The following NUMB variants were observed in gnomAD, a reference collection of about 807,000 sequenced individuals.
The protein encoded by NUMB is protein numb homolog.
NUMB carries 29 observed loss-of-function variants against 59.7 expected under a neutral mutation model. The ratio of observed to expected loss-of-function variants is 0.49; its 90% CI spans 0.36 to 0.66. The LOEUF is 0.66. NUMB is among the 30% of genes least tolerant of loss of function. The probability of loss-of-function intolerance (pLI) is 0.00; values close to 1 mark genes in which losing one functional copy is unlikely to be tolerated. For missense variants in NUMB, 723 were observed against 822.0 expected (o/e 0.88, Z 1.47); for synonymous variants, 288 against 288.2 (o/e 1.00, Z 0.01).
rs1371231889 is a variant in NUMB at position 73,280,699 on chromosome 14, T to TA, written c.1097-1276_1097-1275insT. 2.8e-5 allele frequency among the ~76,000 whole-genome samples: 4 copies of TA among 144,946 alleles called. No individual in the cohort carries two copies. In the South Asian group the frequency reaches 9.1e-4, roughly 33 times the overall value. On this transcript the variant is annotated intron_variant, in intron 11 of 12. Transcript: ENST00000555238. Reference sequence around the variant, plus strand: ...GGTGTTGGTACTATTTTTTTTTTTTTTTTTTTTTTTTGAGATGGGGTCTCG... The same window carrying TA: ...GGTGTTGGTACTATTTTTTTTTTTTTATTTTTTTTTTTGAGATGGGGTCTCG...
At chr14:73,323,788 T>C (rs1462896341) in intron 4 of NUMB, among the ~76,000 whole-genome samples, 1 of 152,212 alleles carries the variant, frequency 6.6e-6, no homozygotes, top group African/African-American at 2.4e-5. Flanking sequence ...TACATAAAAT[T>C]TGAAGAGGCA....
chr14:73,456,951 T>A (rs1884417270), intron 1 of NUMB, among the ~76,000 whole-genome samples: 1 of 152,236 alleles, frequency 6.6e-6, no homozygotes, highest in Admixed American at 6.5e-5. Flanking sequence ...ACCTTCTATT[T>A]AAGAAGTCAG....
At chr14:73,455,444 T>A (rs1033266418) in intron 1 of NUMB, among the ~76,000 whole-genome samples, 4 of 152,204 alleles carry the variant, frequency 2.6e-5, no homozygotes, top group Non-Finnish European at 5.9e-5. Context: ...GTAAATTACA[T>A]TTAGGTTCCT....
intron 2 of NUMB, among the ~76,000 whole-genome samples, chr14:73,391,820 T>C (rs928409599): frequency 5.3e-5 from 8 of 152,238 alleles, no homozygotes; most frequent in African/African-American, 1.9e-4. Flanking sequence ...TTAAATGTCC[T>C]AAGAGATGAA....
intron 7 of NUMB, among the ~76,000 whole-genome samples, chr14:73,293,608 G>A (rs1235900773): frequency 6.6e-6 from 1 of 152,034 alleles, no homozygotes; most frequent in Non-Finnish European, 1.5e-5. Flanking sequence ...AGCCAGGACG[G>A]TCTCAATCTC....
At chr14:73,358,669 A>C (rs1228035963) in intron 3 of NUMB, among the ~76,000 whole-genome samples, 1 of 144,498 alleles carries the variant, frequency 6.9e-6, no homozygotes, top group African/African-American at 2.6e-5. Flanking sequence ...CACTTCATAT[A>C]ATTCGGATTA....
intron 4 of NUMB, among the ~76,000 whole-genome samples, chr14:73,333,114 G>A (rs542794918): frequency 1.3e-5 from 2 of 152,274 alleles, no homozygotes; most frequent in East Asian, 3.9e-4. Flanking sequence ...GTGAATTGCT[G>A]GGTCATATGG....
At chr14:73,414,149 G>T (rs902212049) in intron 1 of NUMB, among the ~76,000 whole-genome samples, 6 of 151,908 alleles carry the variant, frequency 3.9e-5, no homozygotes, top group Non-Finnish European at 5.9e-5. Context: ...TAGAGACGGG[G>T]TTTCACCATG....
rs376113492 is a variant in NUMB at position 73,438,459 on chromosome 14, C to T, written c.-233+20034G>A. Reference sequence around the variant, plus strand: ...CAGCCTGGCTAAAATGGCGAAACCCCGTCTCTACTAAAAATACAAAAATTA... The same window carrying T: ...CAGCCTGGCTAAAATGGCGAAACCCTGTCTCTACTAAAAATACAAAAATTA... On this transcript the variant is annotated intron_variant, in intron 1 of 12. Coordinates refer to ENST00000555238, the MANE Select transcript of NUMB (RefSeq NM_001005743.2). Among the ~76,000 whole-genome samples the T allele has an allele frequency of 1.8e-4, 27 of 151,810 alleles. No individual in the cohort carries two copies. The East Asian group carries it at 4.3e-3, about 24-fold the overall frequency.
intron 4 of NUMB, among the ~76,000 whole-genome samples, chr14:73,326,573 G>A (rs1166412433): frequency 1.3e-5 from 2 of 151,774 alleles, no homozygotes; most frequent in African/African-American, 2.4e-5. Context: ...ATTGCAGTAA[G>A]CCGAGATCAC....
intron 1 of NUMB, among the ~76,000 whole-genome samples, chr14:73,455,364 C>T (rs1884283486): frequency 6.6e-6 from 1 of 152,190 alleles, no homozygotes; most frequent in Admixed American, 6.5e-5. Flanking sequence ...TATAAACCAT[C>T]TAGCTTTCAA....
Position 73,390,638 on chromosome 14 carries a change from C to CTTTTTTTTTTTTTTTTTTT in NUMB, c.-101+19280_-101+19298dup, listed in dbSNP as rs55831976. 3.6e-4 allele frequency among the ~76,000 whole-genome samples: 14 copies of CTTTTTTTTTTTTTTTTTTT among 39,410 alleles called. 4 individuals carry two copies. Among genetic ancestry groups the CTTTTTTTTTTTTTTTTTTT allele is most frequent in the Non-Finnish European group, 6.1e-4 (13 of 21,178 alleles). The allele number at this position is 39,410 out of a possible 152,430, so 25.9% of individuals were successfully genotyped here. Reference sequence around the variant, plus strand: ...ATTTCCTTGAGGACAAAAACAAAGTCTTTTTTTTTTTTTTTTTTTTTTTTT... The same window carrying CTTTTTTTTTTTTTTTTTTT: ...ATTTCCTTGAGGACAAAAACAAAGTCTTTTTTTTTTTTTTTTTTTTTTTTTTTTTTTTTTTTTTTTTTTT... On this transcript the variant is annotated intron_variant, in intron 2 of 12. Coordinates refer to ENST00000555238, the MANE Select transcript of NUMB (RefSeq NM_001005743.2).
intron 1 of NUMB, among the ~76,000 whole-genome samples, chr14:73,445,191 A>G (rs1219235759): frequency 3.3e-5 from 5 of 151,830 alleles, no homozygotes; most frequent in South Asian, 4.2e-4. Flanking sequence ...CAACACTACA[A>G]AAAAAGTTAA....
intron 1 of NUMB, among the ~76,000 whole-genome samples, chr14:73,431,946 C>T (rs893988279): frequency 2.0e-5 from 3 of 151,536 alleles, no homozygotes; most frequent in African/African-American, 7.3e-5. Flanking sequence ...ACACCCTGCC[C>T]AAATTCCAAA....
At chr14:73,413,994 A>C (rs1306369427) in intron 1 of NUMB, among the ~76,000 whole-genome samples, 1 of 147,672 alleles carries the variant, frequency 6.8e-6, no homozygotes, top group African/African-American at 2.5e-5. Context: ...TCACTCTGTC[A>C]CCCAGGCTGG....
At chr14:73,321,752 C>T (rs1891416390) in intron 5 of NUMB, among the ~76,000 whole-genome samples, 1 of 152,102 alleles carries the variant, frequency 6.6e-6, no homozygotes. Context: ...CTAGCAAAGG[C>T]TTGAATCATT....
chr14:73,349,607 C>T (rs1273709740), intron 4 of NUMB, among the ~76,000 whole-genome samples: 1 of 147,224 alleles, frequency 6.8e-6, no homozygotes, highest in Non-Finnish European at 1.5e-5. Flanking sequence ...TGGCCAGGCG[C>T]GGTGGCTCAC....
At chr14:73,391,033 T>C (rs527998614) in intron 2 of NUMB, among the ~76,000 whole-genome samples, 2 of 133,688 alleles carry the variant, frequency 1.5e-5, no homozygotes, top group East Asian at 4.3e-4. Context: ...TTGAATATAT[T>C]CAACCTCTAT....
At chr14:73,345,995 A>G (rs1240441730) in intron 4 of NUMB, among the ~76,000 whole-genome samples, 1 of 152,198 alleles carries the variant, frequency 6.6e-6, no homozygotes, top group African/African-American at 2.4e-5. Flanking sequence ...CTTGAATAGC[A>G]TATTTCTAAT....
Sources: allele counts gnomAD v4.1 joint callset (sites outside exome capture counted in the v4.1 genomes callset), GRCh38; gene constraint gnomAD v4.1.1; transcripts MANE v1.5; gene names NCBI Gene and HGNC (gene_info 2026-07-23, HGNC 2026-07-21).